Variants in COL4A2 observed in about 807,000 individuals in gnomAD.
The protein encoded by COL4A2 is collagen type IV alpha 2 chain, also known as collagen alpha-2(IV) chain.
Under a neutral mutation model 200.2 loss-of-function variants are expected in COL4A2, and 99 were observed. The ratio of observed to expected loss-of-function variants is 0.49; its 90% CI spans 0.42 to 0.58. The LOEUF (loss-of-function observed/expected upper bound fraction) is 0.58, where lower values mean the gene tolerates loss of function less well. Ranked by LOEUF, COL4A2 falls within the 20% of genes least tolerant of loss-of-function variation. The probability of loss-of-function intolerance (pLI) is 0.00; values close to 1 mark genes in which losing one functional copy is unlikely to be tolerated. For missense variants in COL4A2, 1,950 were observed against 2,314.1 expected (o/e 0.84, Z 3.23); for synonymous variants, 897 against 900.6 (o/e 1.00, Z 0.07).
chr13:110,371,681 G>T (rs1878014399), intron 4 of COL4A2, among the ~76,000 whole-genome samples: 1 of 152,140 alleles, frequency 6.6e-6, no homozygotes. Flanking sequence ...AAACCATCAG[G>T]CGCTCTCCAC....
At chr13:110,460,791 G>A (rs994770381) in intron 22 of COL4A2, among the ~76,000 whole-genome samples, 4 of 152,162 alleles carry the variant, frequency 2.6e-5, no homozygotes, top group Non-Finnish European at 5.9e-5. Flanking sequence ...CTTGAAGTGT[G>A]GGAGTGGGTC....
chr13:110,495,307 C>A (rs1362611448), intron 39 of COL4A2, 35 bp from the exon 40 acceptor site: 1 of 1,613,736 alleles, frequency 6.2e-7, no homozygotes, highest in East Asian at 2.2e-5. Context: ...TGGTTGGAAA[C>A]ACCGACATCA....
chr13:110,436,538 A>G (rs1000680001), intron 13 of COL4A2, among the ~76,000 whole-genome samples, 171 bp downstream of exon 13: 2 of 151,710 alleles, frequency 1.3e-5, no homozygotes, highest in South Asian at 2.1e-4. Context: ...CAACTCTTCC[A>G]GACGGTTACT....
chr13:110,505,191 A>G (rs1390760851), intron 45 of COL4A2, among the ~76,000 whole-genome samples: 1 of 151,810 alleles, frequency 6.6e-6, no homozygotes, highest in Non-Finnish European at 1.5e-5. Flanking sequence ...TCTACTAAAA[A>G]TACAAAAAAT....
intron 6 of COL4A2, among the ~76,000 whole-genome samples, chr13:110,425,738 T>A (rs1169671743): frequency 6.6e-6 from 1 of 152,106 alleles, no homozygotes; most frequent in Non-Finnish European, 1.5e-5. Flanking sequence ...CAGAGGCAGG[T>A]TCTGTATCAC....
chr13:110,485,447 G>A lies in COL4A2; in HGVS notation c.3026-208G>A, dbSNP rs11839559. On this transcript the variant is annotated intron_variant, in intron 33 of 47. Transcript: ENST00000360467. ...CTGAGGCAGGAGAATGGCGTGAACCGGGGAGGCAGAGCTTGTAGTGAGCCG... is the reference window on the plus strand; with the variant it reads ...CTGAGGCAGGAGAATGGCGTGAACCAGGGAGGCAGAGCTTGTAGTGAGCCG... Among the ~76,000 whole-genome samples the A allele has an allele frequency of 0.13, 18,968 of 149,440 alleles. 1,169 individuals carry two copies. Among genetic ancestry groups the A allele is most frequent in the East Asian group, 0.16 (805 of 5,008 alleles).
intron 45 of COL4A2, among the ~76,000 whole-genome samples, chr13:110,505,948 C>T (rs1185081870): frequency 3.9e-5 from 6 of 152,180 alleles, no homozygotes; most frequent in Admixed American, 2.0e-4. Flanking sequence ...GCCCAGTGCC[C>T]TCACTGCCAT....
chr13:110,472,786 A>T, intron 28 of COL4A2, 143 bp from the exon 29 acceptor site: 1 of 683,264 alleles, frequency 1.5e-6, no homozygotes, highest in Admixed American at 2.8e-5. Context: ...AAAAAGGGCG[A>T]CAGGGACAAG....
At position 110,307,655 on chromosome 13, in the gene COL4A2, A is replaced by C; in HGVS notation, c.-45+127A>C. Reference sequence around the variant, plus strand: ...AAAGGGGGAGGGTGGGAGAGCGAAGACCGAGCTCCTCGGCCAAGGAGCACC... The same window carrying C: ...AAAGGGGGAGGGTGGGAGAGCGAAGCCCGAGCTCCTCGGCCAAGGAGCACC... On this transcript the variant is annotated intron_variant, in intron 1 of 47. Coordinates refer to ENST00000360467, the MANE Select transcript of COL4A2 (RefSeq NM_001846.4). The surrounding 1 kb of genome is among the most constrained non-coding windows in gnomAD (Gnocchi z 5.0). The C allele has an allele frequency of 1.8e-6, 1 of 568,568 alleles. No individual in the cohort carries two copies. Among genetic ancestry groups the C allele is most frequent in the South Asian group, 2.4e-5 (1 of 42,198 alleles). 35.2% of individuals were successfully genotyped at this position (568,568 alleles called of 1,614,324 possible).
chr13:110,410,037 A>G (rs9588154), intron 4 of COL4A2, among the ~76,000 whole-genome samples: 4,488 of 152,294 alleles, frequency 0.029, 217 homozygotes, highest in African/African-American at 0.1. Context: ...TACTGTGGAC[A>G]GTAGCTTTGT....
Position 110,462,097 on chromosome 13 carries a change from TTG to T in COL4A2, c.1597-15_1597-14del. 6.2e-7 allele frequency: 1 copy of T among 1,614,190 alleles called. No homozygotes were observed. The highest frequency in any genetic ancestry group is 1.1e-5 in the South Asian group (1 of 91,074). On this transcript the variant is annotated splice_polypyrimidine_tract_variant and intron_variant, in intron 22 of 47. Transcript: ENST00000360467. ...CAGTACAAAGAAGGAAGATATTTTT[TTG>T]TCTGTTTTCCACAGGGAGTGCCTGG... is the stretch of plus-strand genomic sequence containing the variant.
chr13:110,497,774 C>T (rs113237178), intron 40 of COL4A2, among the ~76,000 whole-genome samples: 6,830 of 65,124 alleles, frequency 0.1, 879 homozygotes, highest in Non-Finnish European at 0.16. Context: ...TCCAGCAGCA[C>T]AGCCTCAGTC....
At chr13:110,424,638 AAC>A in intron 4 of COL4A2, 94 bp from the exon 5 acceptor site, 1 of 809,046 alleles carries the variant, frequency 1.2e-6, no homozygotes, top group Non-Finnish European at 1.9e-6. Flanking sequence ...GCTCTTTAAA[AAC>A]AAAAAAAAAA....
chr13:110,347,645 C>A (rs921039669), intron 3 of COL4A2, among the ~76,000 whole-genome samples: 7 of 152,224 alleles, frequency 4.6e-5, no homozygotes, highest in South Asian at 2.1e-4. Flanking sequence ...TTTGGCCCAC[C>A]ACACACTGCA....
intron 17 of COL4A2, 93 bp downstream of exon 17, chr13:110,445,975 C>G: frequency 7.1e-7 from 1 of 1,400,272 alleles, no homozygotes; most frequent in Non-Finnish European, 1.0e-6. Context: ...TGGAGGCATC[C>G]CCTGCCCTAA....
intron 24 of COL4A2, among the ~76,000 whole-genome samples, chr13:110,464,519 C>T (rs774440936): frequency 1.3e-5 from 2 of 152,194 alleles, no homozygotes; most frequent in Non-Finnish European, 2.9e-5. Flanking sequence ...TTGTGTCCCC[C>T]TCCCCTGTGA....
chr13:110,468,141 A>C (rs1882322936), intron 27 of COL4A2: 1 of 471,036 alleles, frequency 2.1e-6, no homozygotes, highest in Non-Finnish European at 4.4e-6. Flanking sequence ...GTGGACGGAC[A>C]CATTCTATGT....
At chr13:110,422,350 G>A (rs1307014880) in intron 4 of COL4A2, among the ~76,000 whole-genome samples, 2 of 151,690 alleles carry the variant, frequency 1.3e-5, no homozygotes, top group African/African-American at 2.4e-5. Context: ...CTAAGCATTG[G>A]AGATAGAATG....
chr13:110,476,055 C>T (rs961837589), intron 29 of COL4A2, among the ~76,000 whole-genome samples: 1 of 152,214 alleles, frequency 6.6e-6, no homozygotes, highest in Non-Finnish European at 1.5e-5. Context: ...CAGAAGCACG[C>T]CCAGACTGTC....
Sources: allele counts gnomAD v4.1 joint callset (sites outside exome capture counted in the v4.1 genomes callset), GRCh38; gene constraint gnomAD v4.1.1; non-coding constraint Gnocchi (gnomAD v3.1); transcripts MANE v1.5; gene names NCBI Gene and HGNC (gene_info 2026-07-23, HGNC 2026-07-21).